The following NRXN3 variants were observed in gnomAD, a reference collection of about 807,000 sequenced individuals.
NRXN3 encodes the protein neurexin III.
NRXN3 carries 32 observed loss-of-function variants against 137.6 expected under a neutral mutation model. That is an observed-to-expected ratio of 0.23 (90% CI 0.18 to 0.31). The LOEUF (loss-of-function observed/expected upper bound fraction) is 0.31. NRXN3 is among the 10% of genes least tolerant of loss of function. The probability of loss-of-function intolerance (pLI) is 1.00; values close to 1 mark genes in which losing one functional copy is unlikely to be tolerated. For missense variants in NRXN3, 1,574 were observed against 2,062.5 expected (o/e 0.76, Z 4.59); for synonymous variants, 798 against 784.5 (o/e 1.02, Z -0.29).
intron 15 of NRXN3, among the ~76,000 whole-genome samples, chr14:79,064,823 G>GTGTGTA (rs1555708053): frequency 6.8e-6 from 1 of 147,958 alleles, no homozygotes; most frequent in African/African-American, 2.5e-5. Context: ...GTGTGTGTGT[G>GTGTGTA]TATATATAAT....
At chr14:79,392,981 A>G (rs1400592330) in intron 15 of NRXN3, among the ~76,000 whole-genome samples, 1 of 151,346 alleles carries the variant, frequency 6.6e-6, no homozygotes, top group Non-Finnish European at 1.5e-5. Flanking sequence ...AAAAAAAAAA[A>G]AAAAAAAAAA....
chr14:79,069,600 T>A (rs931705069), intron 15 of NRXN3, among the ~76,000 whole-genome samples: 10 of 151,880 alleles, frequency 6.6e-5, no homozygotes, highest in African/African-American at 2.4e-4. Context: ...ACCACTTTTC[T>A]GATGAGTTAA....
At position 78,269,856 on chromosome 14, in the gene NRXN3, G is replaced by A. The variant is rs371881138; in HGVS notation, c.710-8789G>A. ...CTGTTGGCCTAAACTCTGGGAAGTC[G>A]GAGTCTTTCCAGAGAGTAGGGAATT... On this transcript the variant is annotated intron_variant, in intron 2 of 20. Transcript: ENST00000335750. Among the ~76,000 whole-genome samples the A allele has an allele frequency of 5.1e-4, 77 of 152,268 alleles. No individual in the cohort carries two copies. The South Asian group carries it at 0.011, about 21-fold the overall frequency.
intron 15 of NRXN3, among the ~76,000 whole-genome samples, chr14:79,178,742 G>A (rs2062615958): frequency 6.6e-6 from 1 of 152,182 alleles, no homozygotes; most frequent in Non-Finnish European, 1.5e-5. Context: ...ATGTTCAACT[G>A]CATGTCTTTT....
intron 15 of NRXN3, among the ~76,000 whole-genome samples, chr14:79,128,557 T>C (rs1384165461): frequency 6.6e-6 from 1 of 151,042 alleles, no homozygotes; most frequent in Non-Finnish European, 1.5e-5. Flanking sequence ...AGCTTTTTGA[T>C]GTGCTGCTGG....
chr14:79,637,647 C>T (rs2098411051), intron 16 of NRXN3, among the ~76,000 whole-genome samples: 1 of 151,798 alleles, frequency 6.6e-6, no homozygotes, highest in Admixed American at 6.6e-5. Context: ...GGTTGGAGTC[C>T]CTGACCCCAG....
intron 15 of NRXN3, among the ~76,000 whole-genome samples, chr14:79,331,632 C>T (rs904458764): frequency 6.6e-6 from 1 of 152,112 alleles, no homozygotes; most frequent in African/African-American, 2.4e-5. Flanking sequence ...AGGACAGTCA[C>T]CTTTAATTAC....
Position 78,582,659 on chromosome 14 carries a change from T to C in NRXN3, c.758-62461T>C, listed in dbSNP as rs541175247. On this transcript the variant is annotated intron_variant, in intron 4 of 20. Transcript: ENST00000335750. ...AGATGACATAGCATGAAGGCCCTTG[T>C]AAAATGTCAGCACCTTGATATTGAA... 3.7e-4 allele frequency among the ~76,000 whole-genome samples: 57 copies of C among 152,316 alleles called. 1 individual carries two copies. The South Asian group carries it at 0.011, about 30-fold the overall frequency.
At chr14:78,910,431 A>T (rs2099233798) in intron 10 of NRXN3, among the ~76,000 whole-genome samples, 1 of 152,028 alleles carries the variant, frequency 6.6e-6, no homozygotes, top group African/African-American at 2.4e-5. Context: ...CTATCATTGT[A>T]ACTTAACTTT....
rs542470521 is a variant in NRXN3 at position 79,168,987 on chromosome 14, C to A, written c.3262+180846C>A. Among the ~76,000 whole-genome samples, 91 of 152,096 alleles carry A rather than the reference C, an allele frequency of 6.0e-4. 1 individual carries two copies. In the South Asian group the frequency reaches 0.018, roughly 31 times the overall value. ...GATGTTCTCACAATATTGAACATAG[C>A]ACATGAAAGAATATGTGATTATCAG... On this transcript the variant is annotated intron_variant, in intron 15 of 20. Transcript: ENST00000335750.
intron 15 of NRXN3, among the ~76,000 whole-genome samples, chr14:78,999,605 T>C (rs17108516): frequency 0.039 from 5,880 of 152,286 alleles, 322 homozygotes; most frequent in African/African-American, 0.12. Context: ...TGAAATTTCC[T>C]TCTTCAGATA....
At chr14:78,377,210 G>A (rs1165905105) in intron 4 of NRXN3, among the ~76,000 whole-genome samples, 1 of 152,144 alleles carries the variant, frequency 6.6e-6, no homozygotes. Context: ...AAATGAAAAT[G>A]ATAGGAAAAT....
intron 16 of NRXN3, among the ~76,000 whole-genome samples, chr14:79,580,083 GA>G (rs548947100): frequency 2.8e-4 from 42 of 152,234 alleles, no homozygotes; most frequent in Admixed American, 1.6e-3. Context: ...TTAACGTAAT[GA>G]CTTCTAGTTT....
chr14:79,011,591 T>C (rs2099571439), intron 15 of NRXN3, among the ~76,000 whole-genome samples: 1 of 152,084 alleles, frequency 6.6e-6, no homozygotes, highest in Non-Finnish European at 1.5e-5. Context: ...TGCAATAAAC[T>C]GTATTCACTT....
chr14:79,184,674 G>C (rs1465043325), intron 15 of NRXN3, among the ~76,000 whole-genome samples: 1 of 152,208 alleles, frequency 6.6e-6, no homozygotes, highest in Non-Finnish European at 1.5e-5. Flanking sequence ...CAGGGGTAAA[G>C]AGTTTAGCAC....
chr14:79,095,914 T>C (rs977602914), intron 15 of NRXN3, among the ~76,000 whole-genome samples: 1 of 152,186 alleles, frequency 6.6e-6, no homozygotes, highest in South Asian at 2.1e-4. Context: ...TAAAAATTCA[T>C]GTGCATTTGA....
At chr14:78,857,707 A>C (rs1174373576) in intron 10 of NRXN3, among the ~76,000 whole-genome samples, 1 of 152,170 alleles carries the variant, frequency 6.6e-6, no homozygotes, top group Non-Finnish European at 1.5e-5. Context: ...ATGGGGAAGC[A>C]CCATCCCCAG....
intron 15 of NRXN3, among the ~76,000 whole-genome samples, chr14:79,198,007 C>G (rs2065377496): frequency 6.6e-6 from 1 of 152,170 alleles, no homozygotes; most frequent in Non-Finnish European, 1.5e-5. Flanking sequence ...CTTTGCTCAT[C>G]TATAAGAAGC....
intron 10 of NRXN3, among the ~76,000 whole-genome samples, chr14:78,942,134 G>A (rs2099354311): frequency 6.6e-6 from 1 of 152,196 alleles, no homozygotes; most frequent in Admixed American, 6.5e-5. Flanking sequence ...GCCAACATAA[G>A]AAGAGTTACC....
Sources: gnomAD v4.1 joint callset for allele counts (sites outside exome capture counted in the v4.1 genomes callset) on GRCh38, gnomAD v4.1.1 for gene constraint, MANE v1.5 for transcripts, NCBI Gene and HGNC (gene_info 2026-07-23, HGNC 2026-07-21) for gene names.